CDK15: variants seen among roughly 807,000 people sequenced by gnomAD.
The protein encoded by CDK15 is cyclin dependent kinase 15, also known as cyclin-dependent kinase 15.
Under a neutral mutation model 60.3 loss-of-function variants are expected in CDK15, and 62 were observed. That is an observed-to-expected ratio of 1.03 (90% CI 0.84 to 1.27). CDK15 has a LOEUF of 1.27. Ranked by LOEUF, CDK15 falls within the 50% of genes most tolerant of loss-of-function variation. The pLI is 0.00. For missense variants in CDK15, 541 were observed against 527.8 expected, an observed-to-expected ratio of 1.03 and a Z score of -0.25; for synonymous variants, 194 against 195.7, an observed-to-expected ratio of 0.99 and a Z score of 0.07.
intron 8 of CDK15, among the ~76,000 whole-genome samples, chr2:201,845,696 T>A (rs1697623288): frequency 6.6e-6 from 1 of 151,866 alleles, no homozygotes; most frequent in Non-Finnish European, 1.5e-5. Context: ...TAAAATAAAC[T>A]TGATAATAAA....
intron 6 of CDK15, among the ~76,000 whole-genome samples, chr2:201,828,064 A>G (rs1161969001): frequency 2.0e-5 from 3 of 152,206 alleles, no homozygotes; most frequent in African/African-American, 7.2e-5. Context: ...GATGGGGCCA[A>G]ACATAACTGG....
intron 10 of CDK15, among the ~76,000 whole-genome samples, chr2:201,856,493 C>T (rs186975798): frequency 6.6e-6 from 1 of 152,148 alleles, no homozygotes; most frequent in Admixed American, 6.5e-5. Flanking sequence ...ACTCTCTGGT[C>T]ACAGGACTTA....
intron 6 of CDK15, among the ~76,000 whole-genome samples, chr2:201,824,310 A>G (rs1361597674): frequency 2.0e-5 from 3 of 152,246 alleles, no homozygotes; most frequent in Non-Finnish European, 4.4e-5. Context: ...TCTTAAAATA[A>G]CCGTATGAAA....
chr2:201,836,074 T>TA (rs1697039795), intron 8 of CDK15, among the ~76,000 whole-genome samples: 1 of 6,226 alleles, frequency 1.6e-4, no homozygotes, highest in African/African-American at 3.7e-4. Flanking sequence ...ATATTTATAT[T>TA]TATATATATT....
intron 10 of CDK15, among the ~76,000 whole-genome samples, chr2:201,865,577 A>T (rs1248505033): frequency 1.3e-5 from 2 of 152,158 alleles, no homozygotes; most frequent in South Asian, 4.1e-4. Context: ...CATCCTGATG[A>T]TGCTCAAAGG....
intron 8 of CDK15, among the ~76,000 whole-genome samples, chr2:201,836,078 ATATATTTATATATTTATATATATT>A (rs1574878216): frequency 9.6e-6 from 1 of 104,498 alleles, no homozygotes; most frequent in African/African-American, 3.8e-5. Flanking sequence ...TTATATTTAT[ATATATTTATATATTTATATATATT>A]TATATATTTA....
chr2:201,807,546 G>T lies in CDK15; in HGVS notation c.176G>T (p.Gly59Val), dbSNP rs1330297237. Residue 59 changes from glycine (G) to valine (V), a missense_variant, in exon 2 of 14, where the codon GGA becomes GTA. By Grantham distance (109) the Gly-to-Val change is moderately radical (BLOSUM62 -3). Transcript: ENST00000652192. ...TCCATGACTTCATTTCACCCCAGGGGACTTCAAGCTGCCCGTGCCCAGAAG... is the reference window on the plus strand; with the variant it reads ...TCCATGACTTCATTTCACCCCAGGGTACTTCAAGCTGCCCGTGCCCAGAAG... ...SCSMTSFHPRGLQAARAQKFK... is the reference protein window; with the variant it reads ...SCSMTSFHPRVLQAARAQKFK... 1.9e-6 allele frequency: 3 copies of T among 1,614,138 alleles called. No homozygotes were observed. Among genetic ancestry groups the T allele is most frequent in the Non-Finnish European group, 2.5e-6 (3 of 1,180,020 alleles).
intron 10 of CDK15, among the ~76,000 whole-genome samples, chr2:201,865,337 C>A (rs559860141): frequency 5.3e-5 from 8 of 152,276 alleles, no homozygotes; most frequent in African/African-American, 1.9e-4. Flanking sequence ...AGGGGAGAGT[C>A]CTGACTATGC....
At chr2:201,843,724 C>G (rs1697505598) in intron 8 of CDK15, among the ~76,000 whole-genome samples, 1 of 151,966 alleles carries the variant, frequency 6.6e-6, no homozygotes, top group African/African-American at 2.4e-5. Context: ...TCAACCTTCC[C>G]CAAAATGCAA....
At chr2:201,891,558 T>C (rs2105848921) in intron 13 of CDK15, among the ~76,000 whole-genome samples, 1 of 152,140 alleles carries the variant, frequency 6.6e-6, no homozygotes, top group South Asian at 2.1e-4. Context: ...GTGGCACAAA[T>C]TACCTTCCAG....
rs148767773 is a variant in CDK15 at position 201,861,805 on chromosome 2, C to T, written c.1009+6868C>T. ...CGAACTCCTGACCTCAAGTGATCTA[C>T]CTGCCTCAGCCTCCCAAAGTGCTGG... On this transcript the variant is annotated intron_variant, in intron 10 of 13. Coordinates refer to ENST00000652192, the MANE Select transcript of CDK15 (RefSeq NM_001366386.2). 6.8e-3 allele frequency among the ~76,000 whole-genome samples: 1,033 copies of T among 152,218 alleles called. 4 individuals are homozygous for T. The highest frequency in any genetic ancestry group is 0.02 in the Middle Eastern group (6 of 294).
At chr2:201,841,292 T>C (rs1174675625) in intron 8 of CDK15, among the ~76,000 whole-genome samples, 2 of 152,240 alleles carry the variant, frequency 1.3e-5, no homozygotes, top group Admixed American at 6.5e-5. Context: ...TGAGCAACAA[T>C]GACACAATAT....
At chr2:201,837,484 AAGGAAGGAAG>A (rs1697178029) in intron 8 of CDK15, among the ~76,000 whole-genome samples, 1 of 142,358 alleles carries the variant, frequency 7.0e-6, no homozygotes, top group East Asian at 2.2e-4. Context: ...GGAAGGAAGG[AAGGAAGGAAG>A]GAAGGAAGGA....
chr2:201,854,034 C>T (rs1433774839), intron 9 of CDK15, among the ~76,000 whole-genome samples: 1 of 152,066 alleles, frequency 6.6e-6, no homozygotes, highest in Non-Finnish European at 1.5e-5. Context: ...AATAGCCAGG[C>T]GTGGTGGCTT....
intron 10 of CDK15, among the ~76,000 whole-genome samples, chr2:201,863,092 C>T (rs996790457): frequency 6.6e-6 from 1 of 152,174 alleles, no homozygotes; most frequent in Admixed American, 6.5e-5. Context: ...CTGCTGAAAG[C>T]TCCTGGGGAG....
intron 9 of CDK15, among the ~76,000 whole-genome samples, chr2:201,853,466 A>G (rs1405844889): frequency 1.3e-5 from 2 of 152,204 alleles, no homozygotes; most frequent in African/African-American, 2.4e-5. Context: ...TGGATTCTTC[A>G]TTGATTATAT....
chr2:201,837,498 GGAAGGAAGGAAGGAAA>G (rs1559127548), intron 8 of CDK15, among the ~76,000 whole-genome samples: 8 of 122,326 alleles, frequency 6.5e-5, no homozygotes, highest in African/African-American at 1.2e-4. Context: ...AAGGAAGGAA[GGAAGGAAGGAAGGAAA>G]GAAGGAAAGA....
intron 10 of CDK15, among the ~76,000 whole-genome samples, chr2:201,865,840 A>G (rs1367081892): frequency 6.8e-6 from 1 of 146,002 alleles, no homozygotes; most frequent in Non-Finnish European, 1.5e-5. Context: ...AAGTGAGCCA[A>G]GATCGTGCCA....
chr2:201,867,606 G>A (rs1209744678), intron 10 of CDK15, among the ~76,000 whole-genome samples: 1 of 152,104 alleles, frequency 6.6e-6, no homozygotes, highest in Non-Finnish European at 1.5e-5. Flanking sequence ...ACTCCAGCCT[G>A]GGCAACAGAA....
Sources: gnomAD v4.1 joint callset for allele counts (sites outside exome capture counted in the v4.1 genomes callset) on GRCh38, gnomAD v4.1.1 for gene constraint, MANE v1.5 for transcripts, NCBI Gene and HGNC (gene_info 2026-07-23, HGNC 2026-07-21) for gene names.